Variants in IL22RA2 observed in about 807,000 individuals in gnomAD.
The protein encoded by IL22RA2 is interleukin-22 receptor subunit alpha-2.
Under a neutral mutation model 30.7 loss-of-function variants are expected in IL22RA2, and 39 were observed. That is an observed-to-expected ratio of 1.27 (90% confidence interval 0.98 to 1.66). The LOEUF (loss-of-function observed/expected upper bound fraction) is 1.66, where lower values mean the gene tolerates loss of function less well. Ranked by LOEUF, IL22RA2 falls within the 40% of genes most tolerant of loss-of-function variation. IL22RA2 has a pLI of 0.00. For synonymous variants in IL22RA2, 103 were observed against 105.0 expected (o/e 0.98, Z 0.11); for missense variants, 315 against 312.7 (o/e 1.01, Z -0.05).
At chr6:137,160,676 A>T (rs1411827289) in intron 2 of IL22RA2, among the ~76,000 whole-genome samples, 1 of 152,232 alleles carries the variant, frequency 6.6e-6, no homozygotes, top group Non-Finnish European at 1.5e-5. Context: ...AAAGCTTTAC[A>T]ACTTACTTAA....
At chr6:137,150,614 T>C (rs1246424729) in intron 5 of IL22RA2, among the ~76,000 whole-genome samples, 2 of 152,048 alleles carry the variant, frequency 1.3e-5, no homozygotes, top group Non-Finnish European at 1.5e-5. Flanking sequence ...TGGCTATTCT[T>C]ACCTGACTGG....
chr6:137,172,908 T>C (rs945311202), intron 1 of IL22RA2, among the ~76,000 whole-genome samples: 3 of 152,170 alleles, frequency 2.0e-5, no homozygotes, highest in African/African-American at 7.2e-5. Flanking sequence ...GTACTACAGA[T>C]GAAATGGTGT....
chr6:137,148,503 C>T (rs916444535), intron 5 of IL22RA2, among the ~76,000 whole-genome samples: 1 of 152,200 alleles, frequency 6.6e-6, no homozygotes, highest in African/African-American at 2.4e-5. Flanking sequence ...GCTGTTACCA[C>T]TTAGGGTCTA....
At position 137,158,436 on chromosome 6, in the gene IL22RA2, A is replaced by C; in HGVS notation, c.108T>G (p.Phe36Leu). The C allele has an allele frequency of 6.2e-7, 1 of 1,614,148 alleles. No individual in the cohort carries two copies. The highest frequency in any genetic ancestry group is 1.3e-5 in the African/African-American group (1 of 75,064). ...AAATGTTGTGAAAATTTCGGGACTG[A>C]AATTGTACCCTCTGAGGCTTCAGAG... is the stretch of plus-strand genomic sequence containing the variant. ...HESLKPQRVQ[F>L]QSRNFHNILQ... The change falls in exon 3 of 7, where the codon TTT (phenylalanine) becomes TTG (leucine). Residue 36 changes from phenylalanine (F) to leucine (L), a missense_variant. Coordinates refer to ENST00000296980, the MANE Select transcript of IL22RA2 (RefSeq NM_052962.3).
At chr6:137,158,803 A>G (rs991544121) in intron 2 of IL22RA2, among the ~76,000 whole-genome samples, 1 of 152,220 alleles carries the variant, frequency 6.6e-6, no homozygotes, top group Non-Finnish European at 1.5e-5. Flanking sequence ...GATGGAATAT[A>G]ATGACTGAGA....
intron 2 of IL22RA2, among the ~76,000 whole-genome samples, chr6:137,158,928 C>T (rs1398593653): frequency 6.6e-6 from 1 of 152,186 alleles, no homozygotes; most frequent in Non-Finnish European, 1.5e-5. Context: ...GCCCAGCACT[C>T]AGTCCCTCCT....
intron 5 of IL22RA2, 103 bp downstream of exon 5, chr6:137,154,838 T>A (rs774143297): frequency 8.5e-5 from 75 of 879,826 alleles, no homozygotes; most frequent in Middle Eastern, 3.4e-4. Flanking sequence ...GAGATAATGA[T>A]GTAGAGACCT....
At chr6:137,172,704 C>T (rs557301388) in intron 1 of IL22RA2, among the ~76,000 whole-genome samples, 1 of 152,324 alleles carries the variant, frequency 6.6e-6, no homozygotes, top group African/African-American at 2.4e-5. Context: ...CGGGTATTTC[C>T]ATCATCGTGT....
intron 5 of IL22RA2, 136 bp downstream of exon 5, chr6:137,154,805 T>G: frequency 1.5e-6 from 1 of 681,044 alleles, no homozygotes; most frequent in Non-Finnish European, 2.6e-6. Context: ...TCTCCTAGAG[T>G]TGTTCTGACA....
chr6:137,151,147 T>A (rs1778281814), intron 5 of IL22RA2, among the ~76,000 whole-genome samples: 1 of 152,256 alleles, frequency 6.6e-6, no homozygotes, highest in South Asian at 2.1e-4. Flanking sequence ...AGAGGAGGGC[T>A]CACCCTTCCC....
At chr6:137,173,201 G>A (rs1056070086) in intron 1 of IL22RA2, among the ~76,000 whole-genome samples, 27 of 152,218 alleles carry the variant, frequency 1.8e-4, no homozygotes, top group African/African-American at 5.3e-4. Context: ...GTGCAACCCC[G>A]TCTGTACTAA....
rs1204072615 is a variant in IL22RA2, at chr6:137,147,573, A to G, written c.642+149T>C. On this transcript the variant is annotated intron_variant, in intron 6 of 6. Coordinates refer to ENST00000296980, the MANE Select transcript of IL22RA2 (RefSeq NM_052962.3). ...ATGGTGATGCCACCACCAACCGTTG[A>G]TCAATGATGGCTGAGAGTAAGAAGA... is the stretch of plus-strand genomic sequence containing the variant. 9.3e-6 allele frequency: 6 copies of G among 643,144 alleles called. No individual in the cohort carries two copies. The East Asian group carries it at 1.8e-4, about 19-fold the overall frequency. The allele number at this position is 643,144 out of a possible 1,614,324, so 39.8% of individuals were successfully genotyped here.
rs1778130605 is a variant in IL22RA2 at position 137,144,308 on chromosome 6, C to T, written c.*1316G>A. The T allele has an allele frequency of 6.6e-6, 1 of 152,090 alleles. No individual in the cohort carries two copies. Among genetic ancestry groups the T allele is most frequent in the Non-Finnish European group, 1.5e-5 (1 of 68,020 alleles). 9.4% of individuals were successfully genotyped at this position (152,090 alleles called of 1,614,324 possible). ...TGCTCTGCCTCTTATTCTCCTCCAC[C>T]CCCCAATACATTTCTGAATATTTTT... On this transcript the variant is annotated 3_prime_UTR_variant, in exon 7 of 7. Transcript: ENST00000296980.
At chr6:137,147,939 A>G (rs1778213883) in intron 5 of IL22RA2, 48 bp from the exon 6 acceptor site, 1 of 1,500,504 alleles carries the variant, frequency 6.7e-7, no homozygotes, top group African/African-American at 1.4e-5. Flanking sequence ...GGAATGTATT[A>G]TATACAGACG....
At chr6:137,160,748 G>A (rs1006279945) in intron 2 of IL22RA2, among the ~76,000 whole-genome samples, 3 of 152,216 alleles carry the variant, frequency 2.0e-5, no homozygotes, top group Non-Finnish European at 4.4e-5. Context: ...TGAGGAAGCT[G>A]AGGCTTTAGA....
In IL22RA2 at chr6:137,145,515, G is replaced by A; in HGVS notation, c.*109C>T. On this transcript the variant is annotated 3_prime_UTR_variant, in exon 7 of 7. Transcript: ENST00000296980. ...TCCCCAAGGTGTAACAGTGAATATTGCTTTAAGAAAATACAAAAACAATTT... is the reference window on the plus strand; with the variant it reads ...TCCCCAAGGTGTAACAGTGAATATTACTTTAAGAAAATACAAAAACAATTT... 4 of 986,336 alleles carry A rather than the reference G, an allele frequency of 4.1e-6. No individual in the cohort carries two copies. In the South Asian group the frequency reaches 7.4e-5, roughly 18 times the overall value. 61.1% of individuals were successfully genotyped at this position (986,336 alleles called of 1,614,324 possible).
At chr6:137,163,373 G>A (rs1166918355) in intron 1 of IL22RA2, among the ~76,000 whole-genome samples, 1 of 152,016 alleles carries the variant, frequency 6.6e-6, no homozygotes, top group Non-Finnish European at 1.5e-5. Context: ...CAACATTTCC[G>A]GGGACCAGTC....
At chr6:137,157,461 A>G (rs1778429117) in intron 3 of IL22RA2, among the ~76,000 whole-genome samples, 1 of 150,906 alleles carries the variant, frequency 6.6e-6, no homozygotes, top group South Asian at 2.1e-4. Context: ...AAAGATGGAG[A>G]TGCTTCTGGG....
chr6:137,145,513 T>C lies in IL22RA2; in HGVS notation c.*111A>G. The C allele has an allele frequency of 1.0e-6, 1 of 960,612 alleles. No individual in the cohort carries two copies. Among genetic ancestry groups the C allele is most frequent in the Non-Finnish European group, 1.5e-6 (1 of 667,030 alleles). 59.5% of individuals were successfully genotyped at this position (960,612 alleles called of 1,614,324 possible). ...AGTCCCCAAGGTGTAACAGTGAATA[T>C]TGCTTTAAGAAAATACAAAAACAAT... On this transcript the variant is annotated 3_prime_UTR_variant, in exon 7 of 7. Coordinates refer to ENST00000296980, the MANE Select transcript of IL22RA2 (RefSeq NM_052962.3).
Sources: gnomAD v4.1 joint callset for allele counts (sites outside exome capture counted in the v4.1 genomes callset) on GRCh38, gnomAD v4.1.1 for gene constraint, MANE v1.5 for transcripts, NCBI Gene and HGNC (gene_info 2026-07-23, HGNC 2026-07-21) for gene names.